ZNF236: variants seen among roughly 807,000 people sequenced by gnomAD.
ZNF236 encodes the protein zinc finger protein 236.
In ZNF236, 50 loss-of-function variants were observed where a neutral mutation model predicts 191.2. The observed-to-expected ratio is 0.26, with a 90% CI of 0.21 to 0.33. The LOEUF (loss-of-function observed/expected upper bound fraction) is 0.33. ZNF236 is among the 10% of genes least tolerant of loss of function. ZNF236 has a pLI of 1.00. For missense variants in ZNF236, 1,754 were observed against 2,374.5 expected, an observed-to-expected ratio of 0.74 and a Z score of 5.43; for synonymous variants, 907 against 928.8, an observed-to-expected ratio of 0.98 and a Z score of 0.43.
intron 3 of ZNF236, among the ~76,000 whole-genome samples, chr18:76,864,608 T>G (rs1404138392): frequency 1.3e-5 from 2 of 151,484 alleles, no homozygotes; most frequent in Non-Finnish European, 2.9e-5. Flanking sequence ...GGGGTGAATA[T>G]AATACACTGT....
intron 28 of ZNF236, among the ~76,000 whole-genome samples, chr18:76,958,226 G>A (rs1442838518): frequency 1.3e-5 from 2 of 152,214 alleles, no homozygotes; most frequent in Non-Finnish European, 2.9e-5. Flanking sequence ...ATTTGATGAT[G>A]AAATTCTTTC....
intron 27 of ZNF236, among the ~76,000 whole-genome samples, chr18:76,947,945 A>T (rs1016984884): frequency 3.3e-5 from 5 of 152,146 alleles, no homozygotes; most frequent in African/African-American, 1.2e-4. Flanking sequence ...AAATTTATTA[A>T]TATCTTATTA....
Position 76,912,285 on chromosome 18 carries a change from C to A in ZNF236, c.2847C>A (p.Asp949Glu). ...LIQESSQEEL[D>E]LQAQGSQFLE... is the part of the protein sequence containing the mutation. The stretch of plus-strand genomic sequence containing the variant: ...AGGAGTCATCCCAAGAGGAACTGGA[C>A]CTGCAGGCACAAGGTTCCCAGTTTC... Residue 949 changes from aspartate (D) to glutamate (E), a missense_variant, in exon 17 of 31, where the codon GAC becomes GAA. Coordinates refer to ENST00000320610, the MANE Select transcript of ZNF236 (RefSeq NM_001306089.2). The A allele has an allele frequency of 6.2e-7, 1 of 1,614,174 alleles. No homozygotes were observed. The highest frequency in any genetic ancestry group is 8.5e-7 in the Non-Finnish European group (1 of 1,180,024).
chr18:76,942,895 G>A (rs1239384037), intron 26 of ZNF236, among the ~76,000 whole-genome samples: 6 of 149,668 alleles, frequency 4.0e-5, no homozygotes, highest in South Asian at 2.1e-4. Flanking sequence ...AGGCCGAGGC[G>A]GGCGGATCAC....
At position 76,900,907 on chromosome 18, in the gene ZNF236, C is replaced by T. The variant is rs138629396; in HGVS notation, c.1894+1685C>T. Among the ~76,000 whole-genome samples the T allele has an allele frequency of 5.9e-5, 9 of 152,244 alleles. No homozygotes were observed. The East Asian group carries it at 1.7e-3, about 29-fold the overall frequency. ...GGACTGGTTTCAGGGTAAAACTGTTCCACTCAGATGTCAGAGAATCAGACA... is the reference window on the plus strand; with the variant it reads ...GGACTGGTTTCAGGGTAAAACTGTTTCACTCAGATGTCAGAGAATCAGACA... On this transcript the variant is annotated intron_variant, in intron 11 of 30. Coordinates refer to ENST00000320610, the MANE Select transcript of ZNF236 (RefSeq NM_001306089.2).
At chr18:76,904,807 T>C (rs1977694573) in intron 12 of ZNF236, among the ~76,000 whole-genome samples, 1 of 152,254 alleles carries the variant, frequency 6.6e-6, no homozygotes, top group African/African-American at 2.4e-5. Flanking sequence ...CTTCCTTTTG[T>C]GTTTTTCAGA....
intron 3 of ZNF236, among the ~76,000 whole-genome samples, chr18:76,859,554 A>G (rs556567181): frequency 1.3e-5 from 2 of 152,110 alleles, no homozygotes; most frequent in Admixed American, 1.3e-4. Context: ...TCATTCGTAC[A>G]TTGATTTTGG....
intron 30 of ZNF236, among the ~76,000 whole-genome samples, chr18:76,963,463 T>A (rs1968707885): frequency 6.6e-6 from 1 of 152,244 alleles, no homozygotes; most frequent in South Asian, 2.1e-4. Flanking sequence ...TGATATGTGC[T>A]GGATTCGGTT....
intron 1 of ZNF236, chr18:76,824,280 C>T (rs1974954578): frequency 1.2e-5 from 9 of 779,644 alleles, no homozygotes; most frequent in Non-Finnish European, 2.2e-5. Context: ...CGTGATTGCA[C>T]TTGGTAGAGT....
chr18:76,837,437 CTTTTTTTTTTTT>C lies in ZNF236; in HGVS notation c.56-12080_56-12069del, dbSNP rs71760598. Among the ~76,000 whole-genome samples, 253 of 105,876 alleles carry C rather than the reference CTTTTTTTTTTTT, an allele frequency of 2.4e-3. 1 individual carries two copies. The highest frequency in any genetic ancestry group is 3.7e-3 in the Non-Finnish European group (196 of 52,676). 69.5% of individuals were successfully genotyped at this position (105,876 alleles called of 152,430 possible). A position where few individuals can be genotyped will look rare whatever the true frequency, so the allele number is the denominator to read the frequency against. On this transcript the variant is annotated intron_variant, in intron 1 of 30. Coordinates refer to ENST00000320610, the MANE Select transcript of ZNF236 (RefSeq NM_001306089.2). The stretch of plus-strand genomic sequence containing the variant: ...AATTCCTTTTTTTCTTTTTCTTTTT[CTTTTTTTTTTTT>C]TTTTTTTTGAGACAGAGTTTCACTC...
chr18:76,892,984 C>A (rs1447340832), intron 9 of ZNF236, among the ~76,000 whole-genome samples: 3 of 152,152 alleles, frequency 2.0e-5, no homozygotes, highest in African/African-American at 7.2e-5. Context: ...ATTCCATTTT[C>A]TTTTTTAACA....
At chr18:76,937,577 C>T (rs941224860) in intron 26 of ZNF236, among the ~76,000 whole-genome samples, 5 of 152,066 alleles carry the variant, frequency 3.3e-5, no homozygotes, top group African/African-American at 1.2e-4. Flanking sequence ...AATCCCACCA[C>T]CCAAATGGAA....
At chr18:76,872,707 C>T (rs1030864729) in intron 5 of ZNF236, among the ~76,000 whole-genome samples, 1 of 152,150 alleles carries the variant, frequency 6.6e-6, no homozygotes, top group Non-Finnish European at 1.5e-5. Flanking sequence ...GTATTAGTAA[C>T]ACGCATGATC....
chr18:76,832,462 A>G (rs1351441038), intron 1 of ZNF236, among the ~76,000 whole-genome samples: 3 of 151,094 alleles, frequency 2.0e-5, no homozygotes, highest in Non-Finnish European at 4.4e-5. Context: ...TTTTTTACAC[A>G]TATAGATACC....
chr18:76,930,167 T>C (rs1967808916), intron 25 of ZNF236, among the ~76,000 whole-genome samples: 1 of 152,258 alleles, frequency 6.6e-6, no homozygotes, highest in Non-Finnish European at 1.5e-5. Flanking sequence ...AATATGGGTC[T>C]GCTCAGGTGA....
At chr18:76,948,082 G>A (rs920051061) in intron 27 of ZNF236, among the ~76,000 whole-genome samples, 15 of 151,924 alleles carry the variant, frequency 9.9e-5, no homozygotes, top group South Asian at 8.3e-4. Context: ...GTGTGTGCGC[G>A]CGCGTGTGTT....
At position 76,923,149 on chromosome 18, in the gene ZNF236, C is replaced by G. The variant is rs57977862; in HGVS notation, c.3636C>G (p.Leu1212=). 7 of 1,613,486 alleles carry G rather than the reference C, an allele frequency of 4.3e-6. No individual in the cohort carries two copies. The Admixed American group carries it at 5.0e-5, about 12-fold the overall frequency. Residue 1212 remains leucine, a synonymous_variant, in exon 21 of 31, where the codon CTC becomes CTG. Coordinates refer to ENST00000320610, the MANE Select transcript of ZNF236 (RefSeq NM_001306089.2). ...CGKSFTVKST[L]DCHVKTHTGQ... ...AGAGTTTTACTGTGAAATCCACTCT[C>G]GATTGTCATGTGAAGACTCACACAG...
intron 3 of ZNF236, among the ~76,000 whole-genome samples, chr18:76,853,777 A>G (rs935530352): frequency 1.3e-5 from 2 of 152,070 alleles, no homozygotes; most frequent in Non-Finnish European, 2.9e-5. Flanking sequence ...TTGGGAGGTC[A>G]AGGCGGGCAG....
intron 1 of ZNF236, chr18:76,824,404 C>G (rs754447158): frequency 1.3e-6 from 1 of 781,062 alleles, no homozygotes; most frequent in East Asian, 2.4e-5. Context: ...CACCATGACC[C>G]AGGTATGCAG....
Sources: gnomAD v4.1 joint callset for allele counts (sites outside exome capture counted in the v4.1 genomes callset) on GRCh38, gnomAD v4.1.1 for gene constraint, MANE v1.5 for transcripts, NCBI Gene and HGNC (gene_info 2026-07-23, HGNC 2026-07-21) for gene names.